The following FANCC variants were observed in gnomAD, a reference collection of about 807,000 sequenced individuals.
The protein encoded by FANCC is Fanconi anemia group C protein.
A neutral mutation model predicts 71.3 loss-of-function variants in FANCC; 55 were observed. That is an observed-to-expected ratio of 0.77 (90% CI 0.62 to 0.97). The LOEUF (loss-of-function observed/expected upper bound fraction) is 0.97, where lower values mean the gene tolerates loss of function less well. Among genes scored for constraint, FANCC ranks in the 50% least tolerant of loss-of-function variants. The pLI is 0.00. For synonymous variants in FANCC, 275 were observed against 244.9 expected, an observed-to-expected ratio of 1.12 and a Z score of -1.15; for missense variants, 678 against 670.9, an observed-to-expected ratio of 1.01 and a Z score of -0.12.
intron 4 of FANCC, among the ~76,000 whole-genome samples, chr9:95,222,764 C>T (rs1274396699): frequency 6.6e-6 from 1 of 152,130 alleles, no homozygotes; most frequent in African/African-American, 2.4e-5. Context: ...ATTCCATAAT[C>T]CTAACAAAGC....
chr9:95,103,848 C>T (rs1217754206), intron 14 of FANCC, among the ~76,000 whole-genome samples: 1 of 152,194 alleles, frequency 6.6e-6, no homozygotes, highest in Non-Finnish European at 1.5e-5. Flanking sequence ...TCCTTTAGGT[C>T]AGATGGAGCC....
chr9:95,252,293 A>G (rs1831392101), intron 1 of FANCC, among the ~76,000 whole-genome samples: 2 of 149,352 alleles, frequency 1.3e-5, no homozygotes, highest in South Asian at 2.1e-4. Context: ...AAAAAAAAAA[A>G]AGAAAAAAAA....
intron 4 of FANCC, among the ~76,000 whole-genome samples, chr9:95,223,955 C>A (rs1312546751): frequency 1.3e-5 from 2 of 152,130 alleles, no homozygotes; most frequent in East Asian, 1.9e-4. Flanking sequence ...CCAGCCTGGG[C>A]AACAAGAGTG....
At position 95,190,486 on chromosome 9, in the gene FANCC, C is replaced by G. The variant is rs138625116; in HGVS notation, c.346-18339G>C. Among the ~76,000 whole-genome samples, 264 of 152,364 alleles carry G rather than the reference C, an allele frequency of 1.7e-3. 1 individual carries two copies. Among genetic ancestry groups the G allele is most frequent in the African/African-American group, 6.1e-3 (253 of 41,574 alleles). The stretch of plus-strand genomic sequence containing the variant: ...TTGCCTTCTTTGCTTCTGCAACTCA[C>G]ATTCATTCTTCAGGCTTCTCTAATC... On this transcript the variant is annotated intron_variant, in intron 4 of 14. Coordinates refer to ENST00000289081, the MANE Select transcript of FANCC (RefSeq NM_000136.3).
At chr9:95,259,046 C>T (rs1380693552) in intron 1 of FANCC, among the ~76,000 whole-genome samples, 1 of 152,090 alleles carries the variant, frequency 6.6e-6, no homozygotes, top group South Asian at 2.1e-4. Context: ...AGAGAGGACA[C>T]AAACAAATGG....
chr9:95,125,776 C>T (rs962984400), intron 9 of FANCC, among the ~76,000 whole-genome samples: 6 of 152,190 alleles, frequency 3.9e-5, no homozygotes, highest in Admixed American at 2.0e-4. Flanking sequence ...TGCAGTCTGC[C>T]CTGCAGCCTC....
At chr9:95,273,726 G>A (rs907805768) in intron 1 of FANCC, among the ~76,000 whole-genome samples, 23 of 152,160 alleles carry the variant, frequency 1.5e-4, no homozygotes, top group Non-Finnish European at 2.5e-4. Flanking sequence ...AGTATCTCAA[G>A]GTCCCCATTC....
intron 1 of FANCC, among the ~76,000 whole-genome samples, chr9:95,261,145 A>C (rs1438406970): frequency 6.6e-6 from 1 of 152,266 alleles, no homozygotes; most frequent in African/African-American, 2.4e-5. Flanking sequence ...CGAAGCAGAC[A>C]TATAAGGTGG....
intron 1 of FANCC, among the ~76,000 whole-genome samples, chr9:95,284,807 TAATA>T (rs1460659186): frequency 2.6e-5 from 4 of 151,862 alleles, no homozygotes; most frequent in African/African-American, 9.7e-5. Context: ...TTGTAACTGT[TAATA>T]AATAACACAG....
intron 1 of FANCC, among the ~76,000 whole-genome samples, chr9:95,295,239 G>A (rs1020739839): frequency 6.6e-6 from 1 of 152,126 alleles, no homozygotes; most frequent in East Asian, 1.9e-4. Context: ...AAATAACAGC[G>A]TGAAGAGACA....
At chr9:95,184,119 C>T (rs147431665) in intron 4 of FANCC, among the ~76,000 whole-genome samples, 7 of 151,772 alleles carry the variant, frequency 4.6e-5, no homozygotes, top group Non-Finnish European at 7.4e-5. Flanking sequence ...CTTCTCCCCC[C>T]CTTTTTTTAA....
At chr9:95,221,172 C>T (rs1398599784) in intron 4 of FANCC, among the ~76,000 whole-genome samples, 3 of 151,918 alleles carry the variant, frequency 2.0e-5, no homozygotes, top group Non-Finnish European at 4.4e-5. Flanking sequence ...GCTGAGATTG[C>T]GCCACTGCAC....
At chr9:95,171,459 GAA>G (rs766110813) in intron 5 of FANCC, among the ~76,000 whole-genome samples, 1 of 129,976 alleles carries the variant, frequency 7.7e-6, no homozygotes. Flanking sequence ...CAGTTCATTT[GAA>G]AAAAAAAAAA....
intron 4 of FANCC, among the ~76,000 whole-genome samples, chr9:95,234,322 C>T (rs1830175751): frequency 6.6e-6 from 1 of 152,110 alleles, no homozygotes; most frequent in Non-Finnish European, 1.5e-5. Flanking sequence ...TTATGCCGTG[C>T]CAGGTACTGT....
intron 6 of FANCC, among the ~76,000 whole-genome samples, chr9:95,154,087 A>T (rs1436477372): frequency 6.6e-6 from 1 of 151,862 alleles, no homozygotes; most frequent in African/African-American, 2.4e-5. Flanking sequence ...CTCTACTAAA[A>T]ATACAAAAAT....
Position 95,111,622 on chromosome 9 carries a change from G to C in FANCC, c.1170C>G (p.Pro390=), listed in dbSNP as rs878853668. 2 of 1,614,166 alleles carry C rather than the reference G, an allele frequency of 1.2e-6. No individual in the cohort carries two copies. The highest frequency in any genetic ancestry group is 1.7e-6 in the Non-Finnish European group (2 of 1,180,046). Residue 390 remains proline (P), a synonymous_variant, in exon 13 of 15, where the codon CCC becomes CCG. Transcript: ENST00000289081. ...GAATGAACAGGAACCAGCTCTCAAA[G>C]GGACCTCCGCAGGACCTGGAACAGA... is the stretch of plus-strand genomic sequence containing the variant. ...EDQTHGSCGG[P]FESWFLFIHF...
intron 6 of FANCC, among the ~76,000 whole-genome samples, chr9:95,162,122 G>A (rs375682145): frequency 5.9e-5 from 9 of 152,328 alleles, no homozygotes; most frequent in Admixed American, 2.0e-4. Context: ...GATTACAGGT[G>A]TGAGCCACTG....
chr9:95,121,858 A>AT (rs61191938), intron 10 of FANCC, among the ~76,000 whole-genome samples: 3,640 of 138,136 alleles, frequency 0.026, 125 homozygotes, highest in African/African-American at 0.081. Context: ...CATAAAATTC[A>AT]TTTTTTTTTT....
intron 14 of FANCC, among the ~76,000 whole-genome samples, chr9:95,105,488 CT>C (rs1425201563): frequency 6.6e-6 from 1 of 152,172 alleles, no homozygotes; most frequent in Non-Finnish European, 1.5e-5. Flanking sequence ...CATGCTGGTG[CT>C]TTTTCTGAGA....
Sources: allele counts gnomAD v4.1 joint callset (sites outside exome capture counted in the v4.1 genomes callset), GRCh38; gene constraint gnomAD v4.1.1; transcripts MANE v1.5; gene names NCBI Gene and HGNC (gene_info 2026-07-23, HGNC 2026-07-21).